The following EPS8 variants were observed in gnomAD, a reference collection of about 807,000 sequenced individuals.
The protein encoded by EPS8 is epidermal growth factor receptor kinase substrate 8.
Under a neutral mutation model 103.8 loss-of-function variants are expected in EPS8, and 42 were observed. That is an observed-to-expected ratio of 0.40 (90% CI 0.32 to 0.52). The LOEUF (loss-of-function observed/expected upper bound fraction) is 0.52, where lower values mean the gene tolerates loss of function less well. Ranked by LOEUF, EPS8 falls within the 20% of genes least tolerant of loss-of-function variation. The pLI, the probability that EPS8 is intolerant of heterozygous loss-of-function variation, is 0.40. For missense variants in EPS8, 969 were observed against 1,005.1 expected, an observed-to-expected ratio of 0.96 and a Z score of 0.49; for synonymous variants, 344 against 344.6, an observed-to-expected ratio of 1.00 and a Z score of 0.02.
chr12:15,678,070 T>C (rs532388885), intron 3 of EPS8, among the ~76,000 whole-genome samples: 1 of 152,296 alleles, frequency 6.6e-6, no homozygotes, highest in South Asian at 2.1e-4. Flanking sequence ...CTGTCTCTTT[T>C]CCATGTTGTT....
In EPS8 at chr12:15,696,619, G is replaced by A. The variant is rs902191567; in HGVS notation, c.-21-13647C>T. ...TCGCACCATTGAACTCCAGCCTGGC[G>A]ACAGAGCGAGACTCTGTCTCAAATA... is the stretch of plus-strand genomic sequence containing the variant. On this transcript the variant is annotated intron_variant, in intron 1 of 20. Transcript: ENST00000281172. The surrounding 1 kb of genome is among the most constrained non-coding windows in gnomAD (Gnocchi z 4.8). Among the ~76,000 whole-genome samples, 8 of 152,002 alleles carry A rather than the reference G, an allele frequency of 5.3e-5. No individual in the cohort carries two copies. The highest frequency in any genetic ancestry group is 7.2e-5 in the African/African-American group (3 of 41,384).
rs985486601 is a variant in EPS8, at chr12:15,677,430, G to GA, written c.136+3795dup. On this transcript the variant is annotated intron_variant, in intron 3 of 20. Transcript: ENST00000281172. ...TGTCAGACCTGAAAAGTGTTCTCAT[G>GA]AAAAACTCTGCATGAAACTTCAGAC... Among the ~76,000 whole-genome samples the GA allele has an allele frequency of 5.8e-4, 88 of 152,216 alleles. 1 individual carries two copies. The highest frequency in any genetic ancestry group is 2.0e-3 in the African/African-American group (84 of 41,528).
In EPS8 at chr12:15,772,727, C is replaced by T. The variant is rs56974976; in HGVS notation, c.-22+16434G>A. ...TAACAAAGCAGAGGTAGATGTTAAC[C>T]AGGAAAGAACAGCACCACCACAGGA... On this transcript the variant is annotated intron_variant, in intron 1 of 20. Transcript: ENST00000281172. The surrounding 1 kb of genome is among the most constrained non-coding windows in gnomAD (Gnocchi z 5.0). 4.1e-3 allele frequency among the ~76,000 whole-genome samples: 616 copies of T among 152,084 alleles called. No homozygotes were observed. The highest frequency in any genetic ancestry group is 0.014 in the African/African-American group (578 of 41,478).
intron 1 of EPS8, among the ~76,000 whole-genome samples, chr12:15,724,101 G>A (rs1206977791): frequency 2.0e-5 from 3 of 152,032 alleles, no homozygotes; most frequent in Non-Finnish European, 4.4e-5. Flanking sequence ...TGAATCCTAA[G>A]GTTTATGAAC....
At chr12:15,750,734 A>G (rs982588352) in intron 1 of EPS8, among the ~76,000 whole-genome samples, 10 of 152,330 alleles carry the variant, frequency 6.6e-5, no homozygotes, top group African/African-American at 2.4e-4. Flanking sequence ...TTTATATGAT[A>G]CTGAATAGAA....
Position 15,658,089 on chromosome 12 carries a change from G to C in EPS8, c.1091C>G (p.Pro364Arg). The C allele has an allele frequency of 6.3e-7, 1 of 1,588,264 alleles. No individual in the cohort carries two copies. Among genetic ancestry groups the C allele is most frequent in the Non-Finnish European group, 8.6e-7 (1 of 1,157,374 alleles). Residue 364 changes from proline (P) to arginine (R), a missense_variant, in exon 12 of 21, where the codon CCA becomes CGA. Coordinates refer to ENST00000281172, the MANE Select transcript of EPS8 (RefSeq NM_004447.6). ...CTAATAAAATCTCACCATATTTAAT[G>C]GAGTAAACAAAAAGTGAACCAAATC... ...AADLVHFLFT[P>R]LNMVVQATGG...
At chr12:15,658,634 T>G in intron 10 of EPS8, 49 bp from the exon 11 acceptor site, 1 of 1,271,666 alleles carries the variant, frequency 7.9e-7, no homozygotes, top group Non-Finnish European at 1.1e-6. Flanking sequence ...CCAAGGAAAT[T>G]TATTAAATGG....
At chr12:15,630,741 G>A (rs1443434013) in intron 18 of EPS8, among the ~76,000 whole-genome samples, 2 of 152,188 alleles carry the variant, frequency 1.3e-5, no homozygotes, top group Non-Finnish European at 2.9e-5. Flanking sequence ...GCGACAGCAG[G>A]ATGTAGTTAG....
chr12:15,743,855 G>A (rs529375517), intron 1 of EPS8, among the ~76,000 whole-genome samples: 1 of 152,270 alleles, frequency 6.6e-6, no homozygotes, highest in African/African-American at 2.4e-5. Flanking sequence ...GCATGGGCAA[G>A]GACTTCATGA....
At position 15,663,944 on chromosome 12, in the gene EPS8, A is replaced by AAT. The variant is rs869135353; in HGVS notation, c.736+1811_736+1812insAT. ...TCAAAAAAAAAAAAAAAAAAAAAAA[A>AAT]AATAATATATATATATATATATATA... is the stretch of plus-strand genomic sequence containing the variant. On this transcript the variant is annotated intron_variant, in intron 8 of 20. Transcript: ENST00000281172. Among the ~76,000 whole-genome samples, 502 of 85,918 alleles carry AAT rather than the reference A, an allele frequency of 5.8e-3. 37 individuals carry two copies. Among genetic ancestry groups the AAT allele is most frequent in the South Asian group, 0.023 (51 of 2,232 alleles). The allele number at this position is 85,918 out of a possible 152,430, so 56.4% of individuals were successfully genotyped here.
At chr12:15,630,566 T>C (rs867243910) in intron 18 of EPS8, among the ~76,000 whole-genome samples, 2 of 152,228 alleles carry the variant, frequency 1.3e-5, no homozygotes, top group Non-Finnish European at 2.9e-5. Flanking sequence ...TTTCAAGTTA[T>C]GAAAATATGG....
rs957193866 is a variant in EPS8, at chr12:15,738,282, G to A, written c.-22+50879C>T. 6.6e-6 allele frequency among the ~76,000 whole-genome samples: 1 copy of A among 152,056 alleles called. No homozygotes were observed. The highest frequency in any genetic ancestry group is 2.4e-5 in the African/African-American group (1 of 41,396). On this transcript the variant is annotated intron_variant, in intron 1 of 20. Transcript: ENST00000281172. This position sits in a 1 kb window ranked among gnomAD's most constrained non-coding sequence, Gnocchi z 6.2. ...TTTAGAAACACACCCACCCTGAGTG[G>A]CTAAGAAACCCTTTTGCACATTGCA... is the stretch of plus-strand genomic sequence containing the variant.
intron 15 of EPS8, among the ~76,000 whole-genome samples, chr12:15,643,855 A>G: frequency 6.6e-6 from 1 of 151,984 alleles, no homozygotes; most frequent in Non-Finnish European, 1.5e-5. Context: ...CTTGATAGAG[A>G]GCAGACATAG....
chr12:15,763,438 T>G (rs906150740), intron 1 of EPS8, among the ~76,000 whole-genome samples: 1 of 152,172 alleles, frequency 6.6e-6, no homozygotes, highest in African/African-American at 2.4e-5. Context: ...AAGAGCCTGA[T>G]CATTGCCTTA....
At chr12:15,662,397 C>T (rs1440281652) in intron 8 of EPS8, 6 of 1,099,490 alleles carry the variant, frequency 5.5e-6, no homozygotes, top group Non-Finnish European at 6.6e-6. Flanking sequence ...CCAACCTTAA[C>T]TTAGCACCCT....
At chr12:15,641,871 T>C (rs1945237751) in intron 15 of EPS8, 41 bp from the exon 16 acceptor site, 2 of 1,130,426 alleles carry the variant, frequency 1.8e-6, no homozygotes, top group Non-Finnish European at 2.5e-6. Flanking sequence ...CTGCTAGCTC[T>C]TCCTAAAGGA....
At chr12:15,674,777 C>T (rs1307440068) in intron 3 of EPS8, among the ~76,000 whole-genome samples, 1 of 151,904 alleles carries the variant, frequency 6.6e-6, no homozygotes, top group Non-Finnish European at 1.5e-5. Context: ...AAACATTTAG[C>T]TCAATTTCCT....
At chr12:15,650,216 C>T (rs568446669) in intron 14 of EPS8, among the ~76,000 whole-genome samples, 15 of 152,208 alleles carry the variant, frequency 9.9e-5, no homozygotes, top group Non-Finnish European at 1.9e-4. Context: ...TATAAATGAT[C>T]ATTTGAGCCT....
intron 8 of EPS8, among the ~76,000 whole-genome samples, chr12:15,662,866 A>G: frequency 6.6e-6 from 1 of 152,082 alleles, no homozygotes; most frequent in Admixed American, 6.5e-5. Context: ...AACACCACAA[A>G]TGGAAATACA....
Sources: gnomAD v4.1 joint callset for allele counts (sites outside exome capture counted in the v4.1 genomes callset) on GRCh38, gnomAD v4.1.1 for gene constraint, Gnocchi (gnomAD v3.1) non-coding constraint, MANE v1.5 for transcripts, NCBI Gene and HGNC (gene_info 2026-07-23, HGNC 2026-07-21) for gene names.